PKHD1: variants seen among roughly 807,000 people sequenced by gnomAD.
The protein encoded by PKHD1 is fibrocystin.
A neutral mutation model predicts 412.0 loss-of-function variants in PKHD1; 291 were observed. The ratio of observed to expected loss-of-function variants is 0.71; its 90% CI spans 0.64 to 0.78. PKHD1 has a LOEUF of 0.78. Ranked by LOEUF, PKHD1 falls within the 30% of genes least tolerant of loss-of-function variation. The probability of loss-of-function intolerance (pLI) is 0.00; values close to 1 mark genes in which losing one functional copy is unlikely to be tolerated. For missense variants in PKHD1, 4,825 were observed against 4,950.7 expected (o/e 0.97, Z 0.76); for synonymous variants, 1,777 against 1,821.5 (o/e 0.98, Z 0.62).
intron 61 of PKHD1, among the ~76,000 whole-genome samples, chr6:51,651,067 G>T (rs1770880584): frequency 6.6e-6 from 1 of 152,224 alleles, no homozygotes; most frequent in South Asian, 2.1e-4. Context: ...CCCCATCAAA[G>T]ATTCTCACAT....
rs185371577 is a variant in PKHD1 at position 52,020,181 on chromosome 6, A to G, written c.5381-2552T>C. On this transcript the variant is annotated intron_variant, in intron 33 of 66. Coordinates refer to ENST00000371117, the MANE Select transcript of PKHD1 (RefSeq NM_138694.4). ...CAAAAGAACAAATGAAAAGAGTAAG[A>G]CAGTAAACTACAAAAGAAAAAAAGA... 4.7e-3 allele frequency among the ~76,000 whole-genome samples: 720 copies of G among 152,328 alleles called. 2 individuals are homozygous for G. Among genetic ancestry groups the G allele is most frequent in the Admixed American group, 0.013 (193 of 15,302 alleles).
intron 60 of PKHD1, among the ~76,000 whole-genome samples, chr6:51,730,383 G>C (rs1257839187): frequency 6.6e-6 from 1 of 152,026 alleles, no homozygotes; most frequent in Non-Finnish European, 1.5e-5. Flanking sequence ...TAAAGAAAAA[G>C]ATAAAAATTT....
chr6:52,047,510 C>G (rs1218984628), intron 23 of PKHD1, among the ~76,000 whole-genome samples: 1 of 152,198 alleles, frequency 6.6e-6, no homozygotes, highest in Non-Finnish European at 1.5e-5. Context: ...GTATCATTAT[C>G]ACTTCTAATC....
intron 8 of PKHD1, among the ~76,000 whole-genome samples, chr6:52,071,276 C>T (rs1197445713): frequency 1.3e-5 from 2 of 151,050 alleles, no homozygotes; most frequent in Non-Finnish European, 3.0e-5. Context: ...TTAGTAATAC[C>T]CTAAGCATTT....
chr6:52,050,135 G>T (rs1325887016), intron 22 of PKHD1, 22 bp downstream of exon 22: 17 of 1,612,600 alleles, frequency 1.1e-5, no homozygotes, highest in Non-Finnish European at 1.4e-5. Context: ...GAAGGGACAG[G>T]TGTAAAAAAG....
Position 51,870,659 on chromosome 6 carries a change from A to G in PKHD1, c.7351-20T>C. 6.3e-7 allele frequency: 1 copy of G among 1,595,684 alleles called. No individual in the cohort carries two copies. Among genetic ancestry groups the G allele is most frequent in the Non-Finnish European group, 8.6e-7 (1 of 1,164,062 alleles). ...ACTTCCCTGTGATTTAAAAGAAAAAAAGATGAAAGCAAAATAAGAAAACTG... is the reference window on the plus strand; with the variant it reads ...ACTTCCCTGTGATTTAAAAGAAAAAGAGATGAAAGCAAAATAAGAAAACTG... On this transcript the variant is annotated intron_variant, in intron 46 of 66. Transcript: ENST00000371117.
chr6:51,895,596 T>C (rs1732712258), intron 43 of PKHD1, among the ~76,000 whole-genome samples: 1 of 152,170 alleles, frequency 6.6e-6, no homozygotes, highest in Non-Finnish European at 1.5e-5. Flanking sequence ...ACTACCATGT[T>C]TTAGAAATTG....
chr6:52,055,859 T>C, intron 18 of PKHD1, 130 bp from the exon 19 acceptor site: 3 of 888,818 alleles, frequency 3.4e-6, no homozygotes, highest in African/African-American at 1.7e-5. Flanking sequence ...CAATTACCCA[T>C]GCAACCTTGA....
At chr6:51,789,853 A>G (rs948856925) in intron 53 of PKHD1, among the ~76,000 whole-genome samples, 13 of 152,214 alleles carry the variant, frequency 8.5e-5, no homozygotes, top group African/African-American at 2.9e-4. Context: ...GGAGTAAGAT[A>G]CTTGTCCTGA....
chr6:51,721,644 C>T, intron 60 of PKHD1: 1 of 1,151,170 alleles, frequency 8.7e-7, no homozygotes, highest in East Asian at 5.0e-5. Flanking sequence ...CAACCATCCT[C>T]TTCTTTCCTA....
rs1812551641 is a variant in PKHD1, at chr6:52,085,000, A to G, written c.-67T>C. 1.9e-6 allele frequency: 2 copies of G among 1,032,900 alleles called. No individual in the cohort carries two copies. The highest frequency in any genetic ancestry group is 3.1e-6 in the Non-Finnish European group (2 of 649,284). 64.0% of individuals were successfully genotyped at this position (1,032,900 alleles called of 1,614,324 possible). A position where few individuals can be genotyped will look rare whatever the true frequency, so the allele number is the denominator to read the frequency against. On this transcript the variant is annotated 5_prime_UTR_variant, in exon 2 of 67. Coordinates refer to ENST00000371117, the MANE Select transcript of PKHD1 (RefSeq NM_138694.4). Reference sequence around the variant, plus strand: ...TAAAAGCATTTTCAGTTTTGATTGGAGCAGCATAGCTTTTGTGCTTTATAA... The same window carrying G: ...TAAAAGCATTTTCAGTTTTGATTGGGGCAGCATAGCTTTTGTGCTTTATAA...
chr6:51,982,782 C>A (rs1337048733), intron 35 of PKHD1, among the ~76,000 whole-genome samples: 1 of 123,942 alleles, frequency 8.1e-6, no homozygotes, highest in African/African-American at 3.1e-5. Flanking sequence ...TCCCCCTCTG[C>A]GAGAAACACC....
chr6:52,069,746 G>T (rs1235779622), intron 10 of PKHD1, among the ~76,000 whole-genome samples: 2 of 152,086 alleles, frequency 1.3e-5, no homozygotes, highest in Non-Finnish European at 2.9e-5. Flanking sequence ...TGCTTCATAG[G>T]ATGTCCCAAA....
rs1396961234 is a variant in PKHD1 at position 51,959,866 on chromosome 6, A to T, written c.5908+4T>A. On this transcript the variant is annotated splice_donor_region_variant and intron_variant, in intron 36 of 66. Coordinates refer to ENST00000371117, the MANE Select transcript of PKHD1 (RefSeq NM_138694.4). ...AATATTACCAACCTACAAACTTCAC[A>T]CACCTTTAATGTGCAGTAAGTTGAG... 1 of 1,612,300 alleles carries T rather than the reference A, an allele frequency of 6.2e-7. No homozygotes were observed. Among genetic ancestry groups the T allele is most frequent in the Non-Finnish European group, 8.5e-7 (1 of 1,178,586 alleles).
chr6:51,645,699 C>T (rs1012595104), intron 63 of PKHD1, among the ~76,000 whole-genome samples: 2 of 152,198 alleles, frequency 1.3e-5, no homozygotes, highest in African/African-American at 2.4e-5. Context: ...AGCCTGAAAA[C>T]ATTATTTTCA....
At chr6:51,901,415 C>A (rs532335791) in intron 43 of PKHD1, among the ~76,000 whole-genome samples, 1 of 150,798 alleles carries the variant, frequency 6.6e-6, no homozygotes, top group African/African-American at 2.5e-5. Context: ...TAAACTATCG[C>A]AAGAACAAAA....
At chr6:51,831,521 T>G (rs1027096244) in intron 51 of PKHD1, among the ~76,000 whole-genome samples, 2 of 152,210 alleles carry the variant, frequency 1.3e-5, no homozygotes, top group African/African-American at 4.8e-5. Context: ...AATTAATTCC[T>G]AATGTCTGAC....
chr6:51,751,013 G>C (rs1190224954), intron 57 of PKHD1, among the ~76,000 whole-genome samples: 1 of 152,132 alleles, frequency 6.6e-6, no homozygotes, highest in African/African-American at 2.4e-5. Context: ...CTGACCTCAA[G>C]TGACCTGCCC....
intron 36 of PKHD1, among the ~76,000 whole-genome samples, chr6:51,944,421 G>A (rs1217574044): frequency 6.6e-6 from 1 of 152,146 alleles, no homozygotes; most frequent in African/African-American, 2.4e-5. Context: ...GCATGGATGC[G>A]AGTGAAAAAC....
Sources: allele counts gnomAD v4.1 joint callset (sites outside exome capture counted in the v4.1 genomes callset), GRCh38; gene constraint gnomAD v4.1.1; transcripts MANE v1.5; gene names NCBI Gene and HGNC (gene_info 2026-07-23, HGNC 2026-07-21).